The following IFI16 variants were observed in gnomAD, a reference collection of about 807,000 sequenced individuals.
The protein encoded by IFI16 is interferon gamma inducible protein 16, also known as gamma-interferon-inducible protein 16.
In IFI16, 49 loss-of-function variants were observed where a neutral mutation model predicts 68.4. That is an observed-to-expected ratio of 0.72 (90% CI 0.57 to 0.91). The LOEUF (loss-of-function observed/expected upper bound fraction) is 0.91, where lower values mean the gene tolerates loss of function less well. Among genes scored for constraint, IFI16 ranks in the 40% least tolerant of loss-of-function variants. The pLI, the probability that IFI16 is intolerant of heterozygous loss-of-function variation, is 0.00. For synonymous variants in IFI16, 307 were observed against 315.0 expected (o/e 0.97, Z 0.27); for missense variants, 878 against 942.9 (o/e 0.93, Z 0.90).
intron 1 of IFI16, among the ~76,000 whole-genome samples, chr1:159,013,981 A>T (rs1652757591): frequency 6.6e-6 from 1 of 152,184 alleles, no homozygotes; most frequent in Non-Finnish European, 1.5e-5. Flanking sequence ...AATTAGACAA[A>T]TCAAGTCTGA....
chr1:159,025,811 A>G (rs1427930350), intron 6 of IFI16, among the ~76,000 whole-genome samples: 2 of 152,120 alleles, frequency 1.3e-5, no homozygotes, highest in Non-Finnish European at 2.9e-5. Flanking sequence ...CTGGTCTTAG[A>G]TTTAAGTTCT....
intron 7 of IFI16, among the ~76,000 whole-genome samples, chr1:159,038,021 T>C (rs191352728): frequency 2.0e-5 from 3 of 152,322 alleles, no homozygotes; most frequent in Admixed American, 2.0e-4. Context: ...ATTTCACATA[T>C]GAGATTCATG....
At chr1:159,037,049 C>G (rs1053739625) in intron 7 of IFI16, among the ~76,000 whole-genome samples, 9 of 152,186 alleles carry the variant, frequency 5.9e-5, no homozygotes, top group Admixed American at 5.9e-4. Context: ...GGTGGATAGA[C>G]AGAGGCTATG....
intron 6 of IFI16, among the ~76,000 whole-genome samples, chr1:159,027,940 G>T (rs12240111): frequency 6.6e-6 from 1 of 151,918 alleles, no homozygotes; most frequent in East Asian, 1.9e-4. Context: ...TATGAGTTTT[G>T]TTTATTTTTT....
At chr1:159,040,939 G>A (rs1367106848) in intron 7 of IFI16, among the ~76,000 whole-genome samples, 1 of 152,186 alleles carries the variant, frequency 6.6e-6, no homozygotes, top group African/African-American at 2.4e-5. Context: ...TTACATGTGT[G>A]TGTACACTAA....
intron 6 of IFI16, among the ~76,000 whole-genome samples, chr1:159,032,084 C>T (rs1307151796): frequency 6.6e-6 from 1 of 152,146 alleles, no homozygotes; most frequent in Non-Finnish European, 1.5e-5. Flanking sequence ...GGTCCTATTG[C>T]TCTTAGCAAG....
intron 1 of IFI16, among the ~76,000 whole-genome samples, chr1:159,014,405 T>A (rs1157029627): frequency 1.3e-5 from 2 of 150,630 alleles, no homozygotes; most frequent in African/African-American, 4.9e-5. Context: ...CTGAGGCAAT[T>A]GCTTGTTCTC....
intron 9 of IFI16, among the ~76,000 whole-genome samples, chr1:159,050,264 A>T (rs561428987): frequency 6.6e-6 from 1 of 152,284 alleles, no homozygotes; most frequent in South Asian, 2.1e-4. Flanking sequence ...AAAAATGATC[A>T]TTTTTTATTT....
intron 5 of IFI16, among the ~76,000 whole-genome samples, chr1:159,019,711 G>T (rs1653179560): frequency 1.3e-5 from 2 of 152,040 alleles, no homozygotes; most frequent in Non-Finnish European, 2.9e-5. Flanking sequence ...TGCCCACCTC[G>T]GCCTCCCAAA....
intron 5 of IFI16, among the ~76,000 whole-genome samples, 198 bp downstream of exon 5, chr1:159,018,849 C>T (rs890167496): frequency 7.2e-5 from 11 of 152,122 alleles, no homozygotes; most frequent in Admixed American, 5.9e-4. Flanking sequence ...CCATGTTCTC[C>T]TTCCCAGAGC....
At chr1:159,009,717 T>C (rs1202020294), upstream of IFI16, among the ~76,000 whole-genome samples, 1 of 152,214 alleles carries the variant, frequency 6.6e-6, no homozygotes, top group Non-Finnish European at 1.5e-5. Flanking sequence ...GCCATATTGG[T>C]GAAGTCAGAG....
At chr1:159,040,746 C>A (rs563380265) in intron 7 of IFI16, among the ~76,000 whole-genome samples, 1 of 152,134 alleles carries the variant, frequency 6.6e-6, no homozygotes, top group African/African-American at 2.4e-5. Context: ...GCTTGTTGGG[C>A]ATTTACTAGG....
rs1244332610 is a variant in IFI16 at position 159,018,278 on chromosome 1, T to C, written c.599T>C (p.Leu200Pro). 1 of 1,613,968 alleles carries C rather than the reference T, an allele frequency of 6.2e-7. No individual in the cohort carries two copies. Among genetic ancestry groups the C allele is most frequent in the East Asian group, 2.2e-5 (1 of 44,888 alleles). ...KCQVTPRRNV[L>P]QKRPVIVKVL... is the part of the protein sequence containing the mutation. ...CAGGTAACTCCCAGAAGAAATGTTC[T>C]CCAAAAACGCCCAGTGATAGTGAAG... is the stretch of plus-strand genomic sequence containing the variant. The change falls in exon 5 of 12, where the codon CTC (leucine) becomes CCC (proline). Residue 200 changes from leucine to proline, a missense_variant. Around this residue, in one of 4 missense-constraint regions of IFI16, gnomAD observed 443 missense variants for 421.8 expected, o/e 1.05. Coordinates refer to ENST00000295809, the MANE Select transcript of IFI16 (RefSeq NM_001376587.1).
At chr1:159,016,382 A>T in intron 3 of IFI16, 151 bp from the exon 4 acceptor site, 2 of 639,682 alleles carry the variant, frequency 3.1e-6, no homozygotes, top group Non-Finnish European at 5.4e-6. Flanking sequence ...ATCTATGCCC[A>T]TCTCTTAAAC....
rs1652933762 is a variant in IFI16, at chr1:159,016,516, A to G, written c.382-17A>G. On this transcript the variant is annotated splice_polypyrimidine_tract_variant and intron_variant, in intron 3 of 11. Transcript: ENST00000295809. ...TGGCACTGAAAACGAATAACAGGAA[A>G]ATCAAACCACTTTCAGAAAAGAAAA... is the stretch of plus-strand genomic sequence containing the variant. The G allele has an allele frequency of 6.3e-7, 1 of 1,599,742 alleles. No homozygotes were observed. The highest frequency in any genetic ancestry group is 1.8e-5 in the Admixed American group (1 of 56,764).
Position 159,054,879 on chromosome 1 carries a change from CTT to C in IFI16, c.2337_2338del (p.Ser780ThrfsTer12). ...CTCAATCCTGATTCAAGTATGGAAACTTCACCAGACTTTTTCTTCTAAAATCT... is the reference window on the plus strand; with the variant it reads ...CTCAATCCTGATTCAAGTATGGAAACCACCAGACTTTTTCTTCTAAAATCT... On this transcript the variant is annotated frameshift_variant, in exon 12 of 12. Coordinates refer to ENST00000295809, the MANE Select transcript of IFI16 (RefSeq NM_001376587.1). LOFTEE classifies it low-confidence loss of function (END_TRUNC). The C allele has an allele frequency of 6.3e-7, 1 of 1,593,268 alleles. No homozygotes were observed. Among genetic ancestry groups the C allele is most frequent in the Non-Finnish European group, 8.6e-7 (1 of 1,163,208 alleles).
chr1:159,052,681 TAAGAGAAATACGAAGCAAA>T (rs1655436106), intron 10 of IFI16: 1 of 150,034 alleles, frequency 6.7e-6, no homozygotes, highest in Admixed American at 6.6e-5. Flanking sequence ...CATTAAATAA[TAAGAGAAATACGAAGCAAA>T]AAGACTAAAA....
intron 6 of IFI16, among the ~76,000 whole-genome samples, chr1:159,023,485 G>T (rs1264609275): frequency 6.6e-6 from 1 of 152,162 alleles, no homozygotes; most frequent in Non-Finnish European, 1.5e-5. Context: ...AGAGCAACAT[G>T]GATTTAAACT....
At chr1:159,029,457 A>C (rs1436775973) in intron 6 of IFI16, among the ~76,000 whole-genome samples, 1 of 152,162 alleles carries the variant, frequency 6.6e-6, no homozygotes, top group East Asian at 1.9e-4. Flanking sequence ...CCTGGTGACT[A>C]TGTGCCTAGG....
Sources: allele counts gnomAD v4.1 joint callset (sites outside exome capture counted in the v4.1 genomes callset), GRCh38; gene constraint gnomAD v4.1.1; regional missense constraint gnomAD v4.1.1; transcripts MANE v1.5; gene names NCBI Gene and HGNC (gene_info 2026-07-23, HGNC 2026-07-21).